MARCHF1: variants seen among roughly 807,000 people sequenced by gnomAD.
MARCHF1 encodes membrane associated ring-CH-type finger 1.
MARCHF1 carries 40 observed loss-of-function variants against 54.2 expected under a neutral mutation model. That is an observed-to-expected ratio of 0.74 (90% CI 0.57 to 0.96). MARCHF1 has a LOEUF of 0.96. Among genes scored for constraint, MARCHF1 ranks in the 40% least tolerant of loss-of-function variants. The pLI is 0.00. For missense variants in MARCHF1, 586 were observed against 656.5 expected (o/e 0.89, Z 1.17); for synonymous variants, 236 against 236.3 (o/e 1.00, Z 0.01).
chr4:164,098,196 A>G (rs993486480), intron 2 of MARCHF1, among the ~76,000 whole-genome samples: 1 of 152,206 alleles, frequency 6.6e-6, no homozygotes, highest in African/African-American at 2.4e-5. Flanking sequence ...TAAGATAATC[A>G]TAAGGCCATG....
chr4:164,018,456 A>C (rs1347456065), intron 2 of MARCHF1, among the ~76,000 whole-genome samples: 2 of 152,062 alleles, frequency 1.3e-5, no homozygotes, highest in East Asian at 1.9e-4. Flanking sequence ...TATATATTAC[A>C]AATATGGAAA....
chr4:164,031,374 T>C (rs1753873649), intron 2 of MARCHF1, among the ~76,000 whole-genome samples: 1 of 152,102 alleles, frequency 6.6e-6, no homozygotes, highest in South Asian at 2.1e-4. Flanking sequence ...ATTTGACTCT[T>C]CTCTCTTTTA....
At chr4:163,946,307 A>C (rs927814395) in intron 3 of MARCHF1, among the ~76,000 whole-genome samples, 1 of 152,122 alleles carries the variant, frequency 6.6e-6, no homozygotes, top group African/African-American at 2.4e-5. Flanking sequence ...TTGTATTATC[A>C]AGCCCAAACT....
chr4:163,948,334 C>T (rs1752064489), intron 3 of MARCHF1, among the ~76,000 whole-genome samples: 2 of 152,150 alleles, frequency 1.3e-5, no homozygotes, highest in African/African-American at 2.4e-5. Context: ...GTAAAAAGAA[C>T]ACATTTATTC....
intron 4 of MARCHF1, among the ~76,000 whole-genome samples, chr4:163,817,765 G>A (rs969421440): frequency 2.6e-5 from 4 of 151,700 alleles, no homozygotes; most frequent in Non-Finnish European, 5.9e-5. Context: ...TATACACCAC[G>A]GAATACTATG....
At chr4:163,922,188 G>A (rs1751445316) in intron 3 of MARCHF1, among the ~76,000 whole-genome samples, 1 of 148,256 alleles carries the variant, frequency 6.7e-6, no homozygotes, top group Non-Finnish European at 1.5e-5. Flanking sequence ...ATGCGGGGGG[G>A]AGCATCACAC....
chr4:163,618,081 G>A (rs920550868), intron 5 of MARCHF1, among the ~76,000 whole-genome samples: 1 of 152,124 alleles, frequency 6.6e-6, no homozygotes, highest in Non-Finnish European at 1.5e-5. Context: ...CAGCCCTTAA[G>A]TATTTTGAAG....
intron 4 of MARCHF1, among the ~76,000 whole-genome samples, chr4:163,821,275 T>C (rs1748685839): frequency 6.6e-6 from 1 of 152,040 alleles, no homozygotes; most frequent in Admixed American, 6.6e-5. Context: ...TATTCACTTT[T>C]GGCCCAACTA....
At chr4:163,639,702 T>C (rs571039572) in intron 5 of MARCHF1, among the ~76,000 whole-genome samples, 1 of 152,240 alleles carries the variant, frequency 6.6e-6, no homozygotes, top group African/African-American at 2.4e-5. Context: ...ATTTGGACTT[T>C]CAGACAGAGT....
At chr4:164,244,877 T>G (rs1048664054) in intron 1 of MARCHF1, among the ~76,000 whole-genome samples, 11 of 151,460 alleles carry the variant, frequency 7.3e-5, no homozygotes, top group South Asian at 2.1e-4. Flanking sequence ...ATAAATTCCT[T>G]GACACATACA....
At chr4:163,907,828 A>C (rs533788320) in intron 3 of MARCHF1, among the ~76,000 whole-genome samples, 43 of 152,264 alleles carry the variant, frequency 2.8e-4, no homozygotes, top group Middle Eastern at 6.8e-3. Context: ...TTACTTTAGA[A>C]CGATATGTGT....
intron 1 of MARCHF1, among the ~76,000 whole-genome samples, chr4:164,327,861 T>C (rs1170984545): frequency 1.3e-5 from 2 of 152,216 alleles, no homozygotes; most frequent in Non-Finnish European, 2.9e-5. Context: ...AGCTATTCTT[T>C]AAAATAGAAA....
intron 3 of MARCHF1, among the ~76,000 whole-genome samples, chr4:163,862,867 A>G (rs1312508545): frequency 2.0e-5 from 3 of 152,048 alleles, no homozygotes; most frequent in South Asian, 2.1e-4. Context: ...TTCATACATC[A>G]TATTATTCAG....
intron 5 of MARCHF1, among the ~76,000 whole-genome samples, chr4:163,628,256 T>C (rs1560983375): frequency 6.6e-6 from 1 of 152,092 alleles, no homozygotes; most frequent in African/African-American, 2.4e-5. Flanking sequence ...TGAGTAGCCA[T>C]TTAAAAATAT....
chr4:164,236,550 T>C (rs1241605783), intron 1 of MARCHF1, among the ~76,000 whole-genome samples: 1 of 152,144 alleles, frequency 6.6e-6, no homozygotes, highest in African/African-American at 2.4e-5. Context: ...GCCAAAAACA[T>C]GCTTGTTCAC....
At position 163,737,164 on chromosome 4, in the gene MARCHF1, C is replaced by CT. The variant is rs71925488; in HGVS notation, c.112-36302dup. Reference sequence around the variant, plus strand: ...ATCAGCGCTCGCAGCTTTTTTCTTTCTTTTTTTTTTTTTTTTTTCACATAT... The same window carrying CT: ...ATCAGCGCTCGCAGCTTTTTTCTTTCTTTTTTTTTTTTTTTTTTTCACATAT... On this transcript the variant is annotated intron_variant, in intron 4 of 9. Coordinates refer to ENST00000514618, the MANE Select transcript of MARCHF1 (RefSeq NM_001394959.1). 3.6e-3 allele frequency among the ~76,000 whole-genome samples: 261 copies of CT among 72,070 alleles called. 2 individuals are homozygous for CT. The East Asian group carries it at 0.048, about 13-fold the overall frequency. 47.3% of individuals were successfully genotyped at this position (72,070 alleles called of 152,430 possible).
At chr4:164,174,749 G>T (rs1489579765) in intron 1 of MARCHF1, among the ~76,000 whole-genome samples, 2 of 152,302 alleles carry the variant, frequency 1.3e-5, no homozygotes, top group East Asian at 3.9e-4. Context: ...AACAGTAGTA[G>T]ATAGTTGTAT....
intron 2 of MARCHF1, among the ~76,000 whole-genome samples, chr4:164,063,390 C>T (rs551518306): frequency 3.3e-5 from 5 of 152,334 alleles, no homozygotes; most frequent in African/African-American, 1.2e-4. Flanking sequence ...ATCTGAATAG[C>T]TTGCTGCAGC....
chr4:163,783,506 T>G (rs114002687), intron 4 of MARCHF1, among the ~76,000 whole-genome samples: 3,042 of 152,300 alleles, frequency 0.02, 51 homozygotes, highest in Non-Finnish European at 0.031. Context: ...GTACCTTGAG[T>G]ACCTCACTGT....
Sources: allele counts gnomAD v4.1 joint callset (sites outside exome capture counted in the v4.1 genomes callset), GRCh38; gene constraint gnomAD v4.1.1; transcripts MANE v1.5; gene names NCBI Gene and HGNC (gene_info 2026-07-23, HGNC 2026-07-21).